Variants in ELAPOR1 observed in about 807,000 individuals in gnomAD.
ELAPOR1 encodes endosome/lysosome-associated apoptosis and autophagy regulator 1.
ELAPOR1 carries 77 observed loss-of-function variants against 119.7 expected under a neutral mutation model. The observed-to-expected ratio is 0.64, with a 90% confidence interval of 0.54 to 0.78. The LOEUF (loss-of-function observed/expected upper bound fraction) is 0.78. Among genes scored for constraint, ELAPOR1 ranks in the 30% least tolerant of loss-of-function variants. The pLI is 0.00. For missense variants in ELAPOR1, 1,115 were observed against 1,270.4 expected, an observed-to-expected ratio of 0.88 and a Z score of 1.86; for synonymous variants, 481 against 487.2, an observed-to-expected ratio of 0.99 and a Z score of 0.17.
intron 12 of ELAPOR1, 67 bp from the exon 13 acceptor site, chr1:109,191,659 C>T: frequency 6.3e-7 from 1 of 1,590,034 alleles, no homozygotes; most frequent in South Asian, 1.1e-5. Flanking sequence ...CCTGGGATGG[C>T]AGCCACATGG....
chr1:109,200,127 C>T lies in ELAPOR1; in HGVS notation c.2697C>T (p.Val899=). ...SGGISLPEQR[V]TICKTIDFWL... ...GCATTTCTCTGCCTGAGCAGAGAGT[C>T]ACCATCTGCAAAACCATAGATTTCT... The change falls in exon 20 of 22, where the codon GTC becomes GTT. Residue 899 remains valine, a synonymous_variant. Coordinates refer to ENST00000369939, the MANE Select transcript of ELAPOR1 (RefSeq NM_020775.5). 1 of 1,614,210 alleles carries T rather than the reference C, an allele frequency of 6.2e-7. No individual in the cohort carries two copies. Among genetic ancestry groups the T allele is most frequent in the South Asian group, 1.1e-5 (1 of 91,078 alleles).
chr1:109,131,915 T>A (rs113906101), intron 1 of ELAPOR1, among the ~76,000 whole-genome samples: 17,655 of 151,994 alleles, frequency 0.12, 1,182 homozygotes, highest in Admixed American at 0.17. Flanking sequence ...GTCACTTTAA[T>A]GGAAGGGGGA....
intron 1 of ELAPOR1, among the ~76,000 whole-genome samples, chr1:109,138,594 G>GCAGCAGCAGCAGCAGCAGCAGCAGCA (rs1553251171): frequency 1.3e-5 from 2 of 152,076 alleles, no homozygotes; most frequent in Non-Finnish European, 2.9e-5. Flanking sequence ...AGCAGCAGCA[G>GCAGCAGCAGCAGCAGCAGCAGCAGCA]GCTAAAACTT....
Position 109,144,061 on chromosome 1 carries a change from A to ATTTTTTTTTT in ELAPOR1, c.154-17827_154-17818dup, listed in dbSNP as rs71069655. Among the ~76,000 whole-genome samples the ATTTTTTTTTT allele has an allele frequency of 9.0e-4, 80 of 88,982 alleles. 4 individuals carry two copies. The highest frequency in any genetic ancestry group is 0.016 in the Middle Eastern group (2 of 122). 58.4% of individuals were successfully genotyped at this position (88,982 alleles called of 152,430 possible). ...TATATATATATATATATATTTATAT[A>ATTTTTTTTTT]TTTTTTTTTTTTTTTGAGATGGAGT... On this transcript the variant is annotated intron_variant, in intron 1 of 21. Coordinates refer to ENST00000369939, the MANE Select transcript of ELAPOR1 (RefSeq NM_020775.5).
At chr1:109,159,258 A>G (rs1009723043) in intron 1 of ELAPOR1, among the ~76,000 whole-genome samples, 2 of 152,156 alleles carry the variant, frequency 1.3e-5, no homozygotes, top group African/African-American at 4.8e-5. Flanking sequence ...GTGTATTAGA[A>G]CCAGCCACCT....
chr1:109,145,089 G>A (rs1226158803), intron 1 of ELAPOR1, among the ~76,000 whole-genome samples: 1 of 152,050 alleles, frequency 6.6e-6, no homozygotes, highest in East Asian at 1.9e-4. Flanking sequence ...CCTTTAAGAG[G>A]TGATTAGGCC....
intron 1 of ELAPOR1, among the ~76,000 whole-genome samples, chr1:109,139,729 C>G (rs1649708613): frequency 6.6e-6 from 1 of 152,104 alleles, no homozygotes; most frequent in South Asian, 2.1e-4. Flanking sequence ...GTCATGGCTG[C>G]CAATTTCTAT....
intron 3 of ELAPOR1, among the ~76,000 whole-genome samples, chr1:109,167,264 G>A (rs1455771266): frequency 2.0e-5 from 3 of 151,934 alleles, no homozygotes; most frequent in African/African-American, 7.3e-5. Context: ...ATCTCTCAGA[G>A]AGGCAGGATG....
chr1:109,144,829 T>C (rs906048011), intron 1 of ELAPOR1, among the ~76,000 whole-genome samples: 2 of 152,232 alleles, frequency 1.3e-5, no homozygotes, highest in South Asian at 4.1e-4. Context: ...GATATTATTG[T>C]ATTGTGCAGA....
chr1:109,152,868 T>G (rs1650616626), intron 1 of ELAPOR1, among the ~76,000 whole-genome samples: 1 of 147,978 alleles, frequency 6.8e-6, no homozygotes. Context: ...ATGGCCTGAG[T>G]TCGGGAGTTC....
chr1:109,181,830 G>T (rs1160905099), intron 7 of ELAPOR1, among the ~76,000 whole-genome samples: 1 of 152,126 alleles, frequency 6.6e-6, no homozygotes, highest in Non-Finnish European at 1.5e-5. Flanking sequence ...AGCCTAATAA[G>T]ACAGAGACAG....
At chr1:109,191,123 C>T (rs1233985083) in intron 11 of ELAPOR1, among the ~76,000 whole-genome samples, 2 of 152,136 alleles carry the variant, frequency 1.3e-5, no homozygotes, top group African/African-American at 4.8e-5. Context: ...CTTCAGGTCT[C>T]CCCGCGATGA....
intron 7 of ELAPOR1, among the ~76,000 whole-genome samples, chr1:109,178,543 C>G (rs1220199933): frequency 1.3e-5 from 2 of 152,202 alleles, no homozygotes; most frequent in Admixed American, 1.3e-4. Context: ...TTGCCAAGGA[C>G]TAGCTTGGTG....
At position 109,197,461 on chromosome 1, in the gene ELAPOR1, A is replaced by T. The variant is rs1653881034; in HGVS notation, c.2122-13A>T. ...CACTTCTTCCTACTTCTTCCTCCCC[A>T]CTCCCCAACCAGGGTAGGAAAATGT... On this transcript the variant is annotated splice_polypyrimidine_tract_variant and intron_variant, in intron 15 of 21. Transcript: ENST00000369939. The T allele has an allele frequency of 6.2e-7, 1 of 1,610,394 alleles. No homozygotes were observed. The highest frequency in any genetic ancestry group is 8.5e-7 in the Non-Finnish European group (1 of 1,177,474).
chr1:109,174,043 C>A (rs984521531), intron 7 of ELAPOR1, among the ~76,000 whole-genome samples: 7 of 147,064 alleles, frequency 4.8e-5, no homozygotes, highest in African/African-American at 1.8e-4. Flanking sequence ...GATAGGGTCT[C>A]ACTTTATCAC....
In ELAPOR1 at chr1:109,143,896, A is replaced by G. The variant is rs144175297; in HGVS notation, c.154-17998A>G. On this transcript the variant is annotated intron_variant, in intron 1 of 21. Transcript: ENST00000369939. ...GGCTGATCTGGAACTCCTGGGCTCC[A>G]GCAATCCACCCGCCTCAGCTTCCCA... Among the ~76,000 whole-genome samples the G allele has an allele frequency of 7.1e-3, 1,076 of 151,482 alleles. 11 individuals are homozygous for G. The highest frequency in any genetic ancestry group is 0.025 in the African/African-American group (1,015 of 41,244).
chr1:109,115,370 A>G (rs374126285), intron 1 of ELAPOR1, among the ~76,000 whole-genome samples: 2 of 152,350 alleles, frequency 1.3e-5, no homozygotes, highest in African/African-American at 4.8e-5. Context: ...CTGTAAATTT[A>G]ATCCCAAATA....
chr1:109,184,969 C>T (rs957731131), intron 7 of ELAPOR1, 76 bp from the exon 8 acceptor site: 30 of 1,116,846 alleles, frequency 2.7e-5, no homozygotes, highest in Non-Finnish European at 4.0e-5. Flanking sequence ...ACTTGGGAGT[C>T]ACAGGGCCAT....
rs1193873088 is a variant in ELAPOR1, at chr1:109,172,890, T to C, written c.696+322T>C. ...CAGGTGGATCACCTGAGGTCAGGAG[T>C]TCGAGACCAGCCTGACCAACATGGA... On this transcript the variant is annotated intron_variant, in intron 5 of 21. Transcript: ENST00000369939. Among the ~76,000 whole-genome samples, 4 of 151,374 alleles carry C rather than the reference T, an allele frequency of 2.6e-5. No homozygotes were observed. In the East Asian group the frequency reaches 5.8e-4, roughly 22 times the overall value.
Sources: gnomAD v4.1 joint callset for allele counts (sites outside exome capture counted in the v4.1 genomes callset) on GRCh38, gnomAD v4.1.1 for gene constraint, MANE v1.5 for transcripts, NCBI Gene and HGNC (gene_info 2026-07-23, HGNC 2026-07-21) for gene names.